Variants in CNTN4 observed in about 807,000 individuals in gnomAD.
CNTN4 encodes the protein contactin-4.
CNTN4 carries 77 observed loss-of-function variants against 122.5 expected under a neutral mutation model. The observed-to-expected ratio is 0.63, with a 90% CI of 0.52 to 0.76. The LOEUF (loss-of-function observed/expected upper bound fraction) is 0.76, where lower values mean the gene tolerates loss of function less well. Among genes scored for constraint, CNTN4 ranks in the 30% least tolerant of loss-of-function variants. The probability of loss-of-function intolerance (pLI) is 0.00; values close to 1 mark genes in which losing one functional copy is unlikely to be tolerated. For synonymous variants in CNTN4, 512 were observed against 447.0 expected (o/e 1.15, Z -1.83); for missense variants, 1,256 against 1,259.1 (o/e 1.00, Z 0.04).
At chr3:2,732,202 G>C (rs988686908) in intron 4 of CNTN4, among the ~76,000 whole-genome samples, 3 of 152,166 alleles carry the variant, frequency 2.0e-5, no homozygotes, top group African/African-American at 4.8e-5. Flanking sequence ...TTAGGAAATG[G>C]AGAGCCAGGA....
At position 2,736,347 on chromosome 3, in the gene CNTN4, T is replaced by G. The variant is rs1439209971; in HGVS notation, c.182+6T>G. ...AATCCAAAACCTCATATCAGGTTTG[T>G]TGATGTAAAAGCATGTGTTTCCATG... On this transcript the variant is annotated splice_donor_region_variant and intron_variant, in intron 5 of 24. Coordinates refer to ENST00000418658, the MANE Select transcript of CNTN4 (RefSeq NM_175607.3). The G allele has an allele frequency of 1.9e-6, 3 of 1,613,070 alleles. No homozygotes were observed. The highest frequency in any genetic ancestry group is 2.7e-5 in the African/African-American group (2 of 74,906).
chr3:2,344,971 A>C (rs1313227007), intron 3 of CNTN4, among the ~76,000 whole-genome samples: 1 of 152,158 alleles, frequency 6.6e-6, no homozygotes, highest in East Asian at 1.9e-4. Context: ...CCCCCGAGGG[A>C]CTTTTGATGT....
chr3:2,297,932 A>G (rs1393678145), intron 2 of CNTN4, among the ~76,000 whole-genome samples: 1 of 152,028 alleles, frequency 6.6e-6, no homozygotes, highest in Admixed American at 6.5e-5. Flanking sequence ...GGGTTTCACT[A>G]TGTTGCCCAG....
chr3:2,735,486 A>G (rs1433172972), intron 4 of CNTN4, among the ~76,000 whole-genome samples: 1 of 152,222 alleles, frequency 6.6e-6, no homozygotes, highest in Non-Finnish European at 1.5e-5. Flanking sequence ...GCTGTTTAAC[A>G]TGGCTTCACC....
intron 14 of CNTN4, among the ~76,000 whole-genome samples, chr3:3,008,666 C>T (rs921685502): frequency 6.6e-6 from 1 of 152,182 alleles, no homozygotes; most frequent in African/African-American, 2.4e-5. Context: ...GAGCATTAAA[C>T]ATGTAACCTG....
chr3:2,507,070 A>G (rs994182701), intron 3 of CNTN4, among the ~76,000 whole-genome samples: 3 of 152,180 alleles, frequency 2.0e-5, no homozygotes, highest in African/African-American at 7.2e-5. Flanking sequence ...ATAACTTCCA[A>G]GGCAAAACAG....
At chr3:2,554,988 A>G (rs902957543) in intron 3 of CNTN4, among the ~76,000 whole-genome samples, 1 of 152,230 alleles carries the variant, frequency 6.6e-6, no homozygotes, top group African/African-American at 2.4e-5. Flanking sequence ...ATTAAAGGCT[A>G]TAAGACATCT....
At chr3:2,354,870 C>T (rs1376503431) in intron 3 of CNTN4, among the ~76,000 whole-genome samples, 2 of 152,132 alleles carry the variant, frequency 1.3e-5, no homozygotes, top group African/African-American at 2.4e-5. Flanking sequence ...CAGGCATAAA[C>T]CATTTGAGGA....
chr3:2,596,975 T>G (rs2080799881), intron 4 of CNTN4, among the ~76,000 whole-genome samples: 1 of 152,172 alleles, frequency 6.6e-6, no homozygotes, highest in East Asian at 1.9e-4. Context: ...TTTTTAAATT[T>G]GAGTTTCTCT....
At chr3:2,924,059 G>A (rs939780829) in intron 12 of CNTN4, among the ~76,000 whole-genome samples, 4 of 152,004 alleles carry the variant, frequency 2.6e-5, no homozygotes, top group Admixed American at 2.0e-4. Flanking sequence ...AACAGATTGA[G>A]ATATCAATTG....
At chr3:2,379,744 A>G (rs1378811041) in intron 3 of CNTN4, among the ~76,000 whole-genome samples, 1 of 152,096 alleles carries the variant, frequency 6.6e-6, no homozygotes, top group Non-Finnish European at 1.5e-5. Context: ...ATTTGCTTAA[A>G]CTACTGTGGG....
intron 2 of CNTN4, among the ~76,000 whole-genome samples, chr3:2,314,369 T>A (rs559123569): frequency 6.6e-6 from 1 of 151,992 alleles, no homozygotes; most frequent in South Asian, 2.1e-4. Flanking sequence ...TTTAATGAAA[T>A]GTTTATATAA....
chr3:2,656,771 G>C (rs2083608356), intron 4 of CNTN4, among the ~76,000 whole-genome samples: 1 of 152,128 alleles, frequency 6.6e-6, no homozygotes, highest in African/African-American at 2.4e-5. Flanking sequence ...ACTTGGAGGT[G>C]GTCTTTAGAC....
intron 6 of CNTN4, among the ~76,000 whole-genome samples, chr3:2,809,481 G>A (rs1221600881): frequency 6.6e-6 from 1 of 152,130 alleles, no homozygotes; most frequent in Non-Finnish European, 1.5e-5. Flanking sequence ...GTAGGCAGGG[G>A]CTGGATCCTG....
intron 4 of CNTN4, among the ~76,000 whole-genome samples, chr3:2,677,632 C>T (rs1051705694): frequency 6.6e-6 from 1 of 151,998 alleles, no homozygotes; most frequent in Non-Finnish European, 1.5e-5. Context: ...TATCAAACAG[C>T]ATGGTTCATT....
intron 3 of CNTN4, among the ~76,000 whole-genome samples, chr3:2,421,346 G>T (rs983274069): frequency 6.6e-6 from 1 of 151,756 alleles, no homozygotes; most frequent in Non-Finnish European, 1.5e-5. Context: ...TCTACTCACG[G>T]GTTCAAGCAA....
At chr3:2,280,887 C>G (rs976854833) in intron 2 of CNTN4, among the ~76,000 whole-genome samples, 1 of 152,158 alleles carries the variant, frequency 6.6e-6, no homozygotes, top group Non-Finnish European at 1.5e-5. Flanking sequence ...GGGGAATGCA[C>G]GTCACACTGG....
At chr3:2,156,634 C>A (rs984957233) in intron 2 of CNTN4, among the ~76,000 whole-genome samples, 1 of 152,008 alleles carries the variant, frequency 6.6e-6, no homozygotes, top group African/African-American at 2.4e-5. Flanking sequence ...CGTTGTAGAC[C>A]CTCGGTAAAT....
At chr3:2,556,749 T>C (rs772745449) in intron 3 of CNTN4, among the ~76,000 whole-genome samples, 14 of 152,140 alleles carry the variant, frequency 9.2e-5, no homozygotes, top group Non-Finnish European at 1.8e-4. Flanking sequence ...TTTTCCTGTA[T>C]TCTAACCATA....
Sources: allele counts gnomAD v4.1 joint callset (sites outside exome capture counted in the v4.1 genomes callset), GRCh38; gene constraint gnomAD v4.1.1; transcripts MANE v1.5; gene names NCBI Gene and HGNC (gene_info 2026-07-23, HGNC 2026-07-21).